The following ANK3 variants were observed in gnomAD, a reference collection of about 807,000 sequenced individuals.
ANK3 encodes ankyrin 3, also known as ankyrin-3.
Under a neutral mutation model 370.9 loss-of-function variants are expected in ANK3, and 57 were observed. The ratio of observed to expected loss-of-function variants is 0.15; its 90% CI spans 0.12 to 0.19. ANK3 has a LOEUF of 0.19. Among genes scored for constraint, ANK3 ranks in the 10% least tolerant of loss-of-function variants. The pLI, the probability that ANK3 is intolerant of heterozygous loss-of-function variation, is 1.00. For missense variants in ANK3, 4,439 were observed against 5,302.1 expected (o/e 0.84, Z 5.06); for synonymous variants, 1,929 against 1,946.3 (o/e 0.99, Z 0.23).
At chr10:60,099,463 A>G (rs959451105) in intron 28 of ANK3, among the ~76,000 whole-genome samples, 3 of 152,126 alleles carry the variant, frequency 2.0e-5, no homozygotes, top group African/African-American at 4.8e-5. Context: ...GGGTGTATTT[A>G]CCAGTTTGAT....
chr10:60,300,967 CT>C (rs1365121121), intron 1 of ANK3, among the ~76,000 whole-genome samples: 5 of 151,632 alleles, frequency 3.3e-5, no homozygotes, highest in African/African-American at 1.2e-4. Context: ...TGAGGGCATA[CT>C]TTACTGCCGA....
intron 2 of ANK3, among the ~76,000 whole-genome samples, chr10:60,449,935 A>G (rs1188963345): frequency 6.6e-6 from 1 of 152,194 alleles, no homozygotes; most frequent in Non-Finnish European, 1.5e-5. Context: ...AAAATGGTCT[A>G]AAAGTCTAGA....
At chr10:60,733,237 A>AGGTAGGGG (rs923042363) in intron 1 of ANK3, 6 of 1,239,024 alleles carry the variant, frequency 4.8e-6, no homozygotes, top group Non-Finnish European at 6.0e-6. Flanking sequence ...AGGCAGCCGC[A>AGGTAGGGG]GGTAGGGGGG....
intron 43 of ANK3, among the ~76,000 whole-genome samples, chr10:60,030,640 C>T (rs1337593663): frequency 1.3e-5 from 2 of 152,116 alleles, no homozygotes; most frequent in Non-Finnish European, 2.9e-5. Flanking sequence ...TTGGCGTCAC[C>T]CCATTGCAGG....
intron 8 of ANK3, among the ~76,000 whole-genome samples, chr10:60,218,542 G>C (rs188599475): frequency 6.6e-6 from 1 of 152,068 alleles, no homozygotes; most frequent in African/African-American, 2.4e-5. Flanking sequence ...CACTTATGAA[G>C]CTTAGTTTTT....
At chr10:60,533,952 T>C (rs1356121432) in intron 2 of ANK3, among the ~76,000 whole-genome samples, 3 of 152,168 alleles carry the variant, frequency 2.0e-5, no homozygotes, top group Non-Finnish European at 4.4e-5. Context: ...TTGTTATATT[T>C]AAGCCTCATT....
intron 38 of ANK3, among the ~76,000 whole-genome samples, chr10:60,067,521 ATTGAACTG>A (rs2081896293): frequency 6.6e-6 from 1 of 152,160 alleles, no homozygotes; most frequent in African/African-American, 2.4e-5. Context: ...GCGTGGGTTA[ATTGAACTG>A]TTGCCTAGAA....
intron 2 of ANK3, among the ~76,000 whole-genome samples, chr10:60,407,246 C>T (rs1222707043): frequency 6.6e-6 from 1 of 152,122 alleles, no homozygotes; most frequent in Non-Finnish European, 1.5e-5. Context: ...TATTCAAAAT[C>T]CCACTGAAAA....
intron 4 of ANK3, among the ~76,000 whole-genome samples, chr10:60,277,012 C>T (rs2098101172): frequency 6.6e-6 from 1 of 152,158 alleles, no homozygotes. Flanking sequence ...CATTATTACT[C>T]CAAGAGAACT....
At position 60,120,276 on chromosome 10, in the gene ANK3, C is replaced by G. The variant is rs2093386217; in HGVS notation, c.2842-5945G>C. On this transcript the variant is annotated intron_variant, in intron 25 of 43. Coordinates refer to ENST00000280772, the MANE Select transcript of ANK3 (RefSeq NM_020987.5). ...GATAGCCATATGCAAAAGAATGAAACTAGGCCCCTATCTCTCGCCATATAC... is the reference window on the plus strand; with the variant it reads ...GATAGCCATATGCAAAAGAATGAAAGTAGGCCCCTATCTCTCGCCATATAC... Among the ~76,000 whole-genome samples the G allele has an allele frequency of 1.3e-5, 2 of 152,050 alleles. 1 individual carries two copies. Among genetic ancestry groups the G allele is most frequent in the South Asian group, 4.1e-4 (2 of 4,820 alleles).
chr10:60,140,581 C>A lies in ANK3; in HGVS notation c.2615-1494G>T, dbSNP rs2094517937. On this transcript the variant is annotated intron_variant, in intron 23 of 43. Coordinates refer to ENST00000280772, the MANE Select transcript of ANK3 (RefSeq NM_020987.5). Reference sequence around the variant, plus strand: ...TCCCCACTCAGAGTTCGAAGATTTTCAAAATTTCAGGCCCCCAAAAAAATC... The same window carrying A: ...TCCCCACTCAGAGTTCGAAGATTTTAAAAATTTCAGGCCCCCAAAAAAATC... 15 of 1,389,914 alleles carry A rather than the reference C, an allele frequency of 1.1e-5. No individual in the cohort carries two copies. The South Asian group carries it at 2.2e-4, about 20-fold the overall frequency. 86.1% of individuals were successfully genotyped at this position (1,389,914 alleles called of 1,614,324 possible).
At position 60,172,307 on chromosome 10, in the gene ANK3, C is replaced by T; in HGVS notation, c.2478+1G>A. 6.2e-7 allele frequency: 1 copy of T among 1,612,654 alleles called. No individual in the cohort carries two copies. On this transcript the variant is annotated splice_donor_variant, in intron 21 of 43. Coordinates refer to ENST00000280772, the MANE Select transcript of ANK3 (RefSeq NM_020987.5). LOFTEE classifies it high-confidence loss of function. ...AACAAGGTTCTGCATTCCTTACTTACAGTTGTGGTCATGGTCTCTTCGGTC... is the reference window on the plus strand; with the variant it reads ...AACAAGGTTCTGCATTCCTTACTTATAGTTGTGGTCATGGTCTCTTCGGTC...
At chr10:60,656,820 C>A (rs61246342) in intron 1 of ANK3, among the ~76,000 whole-genome samples, 1 of 151,666 alleles carries the variant, frequency 6.6e-6, no homozygotes, top group African/African-American at 2.4e-5. Context: ...TGTAGTAGTG[C>A]GATCATAACT....
At chr10:60,410,258 A>G (rs567900723) in intron 2 of ANK3, among the ~76,000 whole-genome samples, 1 of 151,208 alleles carries the variant, frequency 6.6e-6, no homozygotes, top group African/African-American at 2.4e-5. Flanking sequence ...GTGGGACCCC[A>G]CCTCTTTATA....
chr10:60,321,803 C>T (rs1032633588), intron 1 of ANK3, among the ~76,000 whole-genome samples: 1 of 152,172 alleles, frequency 6.6e-6, no homozygotes, highest in East Asian at 1.9e-4. Flanking sequence ...TCATCAGGGT[C>T]ATGAGAACAG....
At chr10:60,524,497 A>T (rs1336010357) in intron 2 of ANK3, among the ~76,000 whole-genome samples, 1 of 152,000 alleles carries the variant, frequency 6.6e-6, no homozygotes, top group Non-Finnish European at 1.5e-5. Context: ...ATGAGATCTG[A>T]TGGTTTTAAA....
intron 41 of ANK3, among the ~76,000 whole-genome samples, chr10:60,057,208 T>G (rs1244273911): frequency 6.6e-6 from 1 of 152,198 alleles, no homozygotes; most frequent in African/African-American, 2.4e-5. Flanking sequence ...TTGCACACCC[T>G]TTTCTACCTA....
chr10:60,072,230 C>A lies in ANK3; in HGVS notation c.8651G>T (p.Gly2884Val), dbSNP rs779497634. 3.1e-6 allele frequency: 5 copies of A among 1,613,932 alleles called. No homozygotes were observed. The highest frequency in any genetic ancestry group is 1.7e-5 in the Admixed American group (1 of 59,992). The change falls in exon 37 of 44, where the codon GGT becomes GTT. Residue 2884 changes from glycine (G) to valine (V), a missense_variant. Physicochemically the swap from Gly to Val is moderately radical, Grantham distance 109. This residue lies in a region of ANK3 where 1,601 missense variants were observed against 1,731.7 expected (regional missense o/e 0.92). Coordinates refer to ENST00000280772, the MANE Select transcript of ANK3 (RefSeq NM_020987.5). ...ATCAACACTTTTACTCTCAGGGTGA[C>A]CAATGTGATTCTCTCTTACATCATG... ...LVHDVRENHI[G>V]HPESKSVDQK... is the part of the protein sequence containing the mutation.
At position 60,684,167 on chromosome 10, in the gene ANK3, A is replaced by G. The variant is rs529825318; in HGVS notation, c.57+49096T>C. The stretch of plus-strand genomic sequence containing the variant: ...AAACATGAATAATAATTATCTTGGA[A>G]GGGAGGGAGAAGCAGTTTGACATCT... On this transcript the variant is annotated intron_variant, in intron 1 of 43. Coordinates refer to the ANK3 transcript ENST00000373827. Among the ~76,000 whole-genome samples, 364 of 152,350 alleles carry G rather than the reference A, an allele frequency of 2.4e-3. 2 individuals are homozygous for G. Among genetic ancestry groups the G allele is most frequent in the African/African-American group, 8.5e-3 (353 of 41,590 alleles).
Sources: allele counts gnomAD v4.1 joint callset (sites outside exome capture counted in the v4.1 genomes callset), GRCh38; gene constraint gnomAD v4.1.1; regional missense constraint gnomAD v4.1.1; transcripts MANE v1.5; gene names NCBI Gene and HGNC (gene_info 2026-07-23, HGNC 2026-07-21).